PXDNL: variants seen among roughly 807,000 people sequenced by gnomAD.
PXDNL encodes peroxidasin like, also known as probable oxidoreductase PXDNL.
PXDNL carries 145 observed loss-of-function variants against 150.8 expected under a neutral mutation model. That is an observed-to-expected ratio of 0.96 (90% CI 0.84 to 1.10). The LOEUF (loss-of-function observed/expected upper bound fraction) is 1.10, where lower values mean the gene tolerates loss of function less well. Among genes scored for constraint, PXDNL ranks in the 50% least tolerant of loss-of-function variants. The pLI, the probability that PXDNL is intolerant of heterozygous loss-of-function variation, is 0.00. For synonymous variants in PXDNL, 757 were observed against 725.7 expected (o/e 1.04, Z -0.69); for missense variants, 2,087 against 1,873.9 (o/e 1.11, Z -2.10).
rs1808527868 is a variant in PXDNL at position 51,408,920 on chromosome 8, TC to T, written c.2703del (p.Ser902AlafsTer19). ...AGAGCCTGGGATTCCCGCTCCGAGC[TC>T]CCGTAAACGTTGGAGCCATCGATGT... ...TAYIDGSNVY[G>X]SSERESQALR... On this transcript the variant is annotated frameshift_variant, in exon 17 of 23. Transcript: ENST00000356297. LOFTEE classifies it high-confidence loss of function. 1 of 1,611,204 alleles carries T rather than the reference TC, an allele frequency of 6.2e-7. No homozygotes were observed. The highest frequency in any genetic ancestry group is 8.5e-7 in the Non-Finnish European group (1 of 1,179,080).
chr8:51,690,290 A>G (rs1815963229), intron 1 of PXDNL, among the ~76,000 whole-genome samples: 1 of 152,230 alleles, frequency 6.6e-6, no homozygotes, highest in South Asian at 2.1e-4. Context: ...ATTTAGCATT[A>G]GGTATATCTC....
chr8:51,694,640 T>C (rs370953904), intron 1 of PXDNL, among the ~76,000 whole-genome samples: 18 of 152,350 alleles, frequency 1.2e-4, no homozygotes, highest in East Asian at 9.6e-4. Context: ...AGCAAAGTCA[T>C]CTGGGGTTTT....
chr8:51,628,785 A>C (rs1279957400), intron 2 of PXDNL, among the ~76,000 whole-genome samples: 6 of 152,086 alleles, frequency 3.9e-5, no homozygotes, highest in Non-Finnish European at 8.8e-5. Context: ...CACAAGTAAA[A>C]AGAACAGTCT....
Position 51,320,832 on chromosome 8 carries a change from C to A in PXDNL, c.4212G>T (p.Lys1404Asn). ...GCTDVRGVPR[K>N]AEERWMKEDC... ...CTTCTTTCATCCAGCGCTCCTCGGC[C>A]TTCCTTGGAACCCCTCTAACATCTG... is the stretch of plus-strand genomic sequence containing the variant. The change falls in exon 22 of 23, where the codon AAG becomes AAT. Residue 1404 changes from lysine (K) to asparagine (N), a missense_variant. Physicochemically the swap from Lys to Asn is moderately conservative, Grantham distance 94 (BLOSUM62 0). Coordinates refer to ENST00000356297, the MANE Select transcript of PXDNL (RefSeq NM_144651.5). 6.2e-7 allele frequency: 1 copy of A among 1,613,978 alleles called. No homozygotes were observed. Among genetic ancestry groups the A allele is most frequent in the Non-Finnish European group, 8.5e-7 (1 of 1,179,872 alleles).
chr8:51,781,276 C>T (rs894189975), intron 1 of PXDNL, among the ~76,000 whole-genome samples: 70 of 152,254 alleles, frequency 4.6e-4, no homozygotes, highest in African/African-American at 1.6e-3. Flanking sequence ...CCTCTTATTT[C>T]TCTGACTTTG....
At chr8:51,404,011 G>T (rs946591534) in intron 17 of PXDNL, among the ~76,000 whole-genome samples, 4 of 152,174 alleles carry the variant, frequency 2.6e-5, no homozygotes, top group African/African-American at 9.7e-5. Flanking sequence ...CCTTCGCAGT[G>T]AGTGTTACAG....
chr8:51,546,547 G>A (rs1332187448), intron 4 of PXDNL, among the ~76,000 whole-genome samples: 2 of 152,172 alleles, frequency 1.3e-5, no homozygotes, highest in African/African-American at 2.4e-5. Flanking sequence ...AATTGGGGAG[G>A]GGCCACAGGG....
intron 12 of PXDNL, among the ~76,000 whole-genome samples, chr8:51,432,913 A>T (rs926810786): frequency 1.1e-4 from 17 of 151,450 alleles, no homozygotes; most frequent in Non-Finnish European, 2.5e-4. Context: ...CCTAATTTTA[A>T]AAGGAATATT....
chr8:51,438,712 CA>C (rs961746141), intron 12 of PXDNL, among the ~76,000 whole-genome samples: 5 of 149,698 alleles, frequency 3.3e-5, no homozygotes, highest in Non-Finnish European at 5.9e-5. Context: ...AAGACTCCAT[CA>C]AAAAAAAATG....
intron 1 of PXDNL, among the ~76,000 whole-genome samples, chr8:51,717,977 G>T (rs149178184): frequency 1.0e-3 from 158 of 152,242 alleles, no homozygotes; most frequent in African/African-American, 3.7e-3. Context: ...CTTTTAAACT[G>T]TTGTCCTTTG....
At chr8:51,374,074 G>A (rs947863809) in intron 18 of PXDNL, among the ~76,000 whole-genome samples, 7 of 152,182 alleles carry the variant, frequency 4.6e-5, no homozygotes, top group South Asian at 2.1e-4. Context: ...CTTTCCACTC[G>A]TAAATGCCCT....
chr8:51,379,373 T>C (rs970150128), intron 17 of PXDNL, among the ~76,000 whole-genome samples: 1 of 152,208 alleles, frequency 6.6e-6, no homozygotes, highest in African/African-American at 2.4e-5. Context: ...CAAAAAATTT[T>C]TGGTAATCTG....
chr8:51,427,075 C>T (rs930173), intron 12 of PXDNL, among the ~76,000 whole-genome samples: 151,925 of 152,352 alleles, frequency 1, 75,751 homozygotes, highest in Non-Finnish European at 1. Flanking sequence ...TTTTGTTAAG[C>T]GTGAAATAAA....
chr8:51,487,241 A>G (rs1415260432), intron 5 of PXDNL, among the ~76,000 whole-genome samples: 1 of 152,138 alleles, frequency 6.6e-6, no homozygotes, highest in Non-Finnish European at 1.5e-5. Flanking sequence ...AAACATGCAT[A>G]TTATCTAAAA....
intron 1 of PXDNL, among the ~76,000 whole-genome samples, chr8:51,667,020 G>A (rs1815400564): frequency 6.6e-6 from 1 of 152,020 alleles, no homozygotes; most frequent in South Asian, 2.1e-4. Context: ...CCAGCCCAGT[G>A]CTTCCCACCC....
intron 1 of PXDNL, among the ~76,000 whole-genome samples, chr8:51,792,914 G>A (rs921876380): frequency 3.9e-5 from 6 of 152,346 alleles, no homozygotes; most frequent in African/African-American, 1.4e-4. Context: ...TGAGGGCTCT[G>A]AGAACCAGGC....
At position 51,565,282 on chromosome 8, in the gene PXDNL, C is replaced by A. The variant is rs547548961; in HGVS notation, c.309-8371G>T. ...CCCTTCAGCTGCAATATATCTTTTC[C>A]TAAATAAATAAATAAATAAATAAAT... On this transcript the variant is annotated intron_variant, in intron 3 of 22. Transcript: ENST00000356297. Among the ~76,000 whole-genome samples the A allele has an allele frequency of 9.8e-5, 13 of 132,568 alleles. No individual in the cohort carries two copies. The East Asian group carries it at 2.4e-3, about 25-fold the overall frequency. The allele number at this position is 132,568 out of a possible 152,430, so 87.0% of individuals were successfully genotyped here.
chr8:51,466,434 C>T (rs1810206915), intron 8 of PXDNL, among the ~76,000 whole-genome samples: 1 of 152,026 alleles, frequency 6.6e-6, no homozygotes, highest in Non-Finnish European at 1.5e-5. Context: ...AGACCTCAAA[C>T]TGTAAAAATT....
intron 21 of PXDNL, among the ~76,000 whole-genome samples, chr8:51,327,391 T>C (rs190517093): frequency 1.8e-3 from 279 of 152,358 alleles, no homozygotes; most frequent in African/African-American, 6.5e-3. Context: ...TAAGTGTCTT[T>C]TCACTGGGAG....
Sources: gnomAD v4.1 joint callset for allele counts (sites outside exome capture counted in the v4.1 genomes callset) on GRCh38, gnomAD v4.1.1 for gene constraint, MANE v1.5 for transcripts, NCBI Gene and HGNC (gene_info 2026-07-23, HGNC 2026-07-21) for gene names.